The following DMD variants were observed in gnomAD, a reference collection of about 807,000 sequenced individuals.
DMD encodes mutant dystrophin.
In DMD, 63 loss-of-function variants were observed where a neutral mutation model predicts 330.1. The ratio of observed to expected loss-of-function variants is 0.19; its 90% CI spans 0.16 to 0.24. The LOEUF is 0.24. Among genes scored for constraint, DMD ranks in the 10% least tolerant of loss-of-function variants. The pLI, the probability that DMD is intolerant of heterozygous loss-of-function variation, is 1.00. For synonymous variants in DMD, 1,223 were observed against 959.8 expected (o/e 1.27, Z -5.07); for missense variants, 3,344 against 2,684.1 (o/e 1.25, Z -5.43).
intron 53 of DMD, among the ~76,000 whole-genome samples, chrX:31,668,429 T>C (rs1051203348): frequency 9.0e-6 from 1 of 110,760 alleles, no homozygotes; most frequent in Admixed American, 9.7e-5. Context: ...AAATATATTA[T>C]TATTATAAAG....
chrX:32,097,491 A>G lies in DMD; in HGVS notation c.6438+119425T>C, dbSNP rs773188578. On this transcript the variant is annotated intron_variant, in intron 44 of 78. Transcript: ENST00000357033. ...TGTATGTGCCACCTTTTCTTTATCC[A>G]GTCCATCACTGATGGGCATTTGGGT... Among the ~76,000 whole-genome samples the G allele has an allele frequency of 1.2e-3, 130 of 111,498 alleles. 2 individuals are homozygous for G. The highest frequency in any genetic ancestry group is 2.0e-3 in the Non-Finnish European group (104 of 53,144).
intron 42 of DMD, among the ~76,000 whole-genome samples, chrX:32,298,693 T>C (rs776144232): frequency 9.0e-6 from 1 of 110,721 alleles, no homozygotes; most frequent in South Asian, 3.9e-4. Context: ...CTTAGCCATT[T>C]CTATCACTTA....
At chrX:31,820,542 C>T (rs1376351681) in intron 49 of DMD, among the ~76,000 whole-genome samples, 1 of 112,040 alleles carries the variant, frequency 8.9e-6, no homozygotes, top group African/African-American at 3.2e-5. Context: ...TCAGAGCCCC[C>T]TTCAAAGAAA....
intron 16 of DMD, among the ~76,000 whole-genome samples, chrX:32,561,640 A>G (rs922457687): frequency 5.4e-5 from 6 of 111,637 alleles, no homozygotes. Context: ...AAACATTCAA[A>G]TTCAGGAAAT....
chrX:31,972,058 A>T (rs2095403523), intron 44 of DMD, among the ~76,000 whole-genome samples: 1 of 111,780 alleles, frequency 8.9e-6, no homozygotes, highest in African/African-American at 3.2e-5. Flanking sequence ...CCAGAATTCC[A>T]TTCTAAGTCT....
intron 1 of DMD, among the ~76,000 whole-genome samples, chrX:33,061,906 C>T (rs775676144): frequency 9.0e-6 from 1 of 110,968 alleles, no homozygotes; most frequent in African/African-American, 3.3e-5. Flanking sequence ...CTCTTTTTTT[C>T]CCTGACATTT....
At chrX:33,257,771 G>A (rs753655350) in intron 1 of DMD, among the ~76,000 whole-genome samples, 1 of 110,521 alleles carries the variant, frequency 9.0e-6, no homozygotes, top group African/African-American at 3.3e-5. Context: ...TTCAGATTTA[G>A]TTAGTGGTCA....
At chrX:31,335,583 A>ATTT (rs1179286163) in intron 61 of DMD, among the ~76,000 whole-genome samples, 1 of 111,833 alleles carries the variant, frequency 8.9e-6, no homozygotes, top group Non-Finnish European at 1.9e-5. Flanking sequence ...GATTCATGTA[A>ATTT]TTTTATGCTG....
chrX:31,377,551 T>A (rs773781056), intron 60 of DMD, among the ~76,000 whole-genome samples: 46 of 111,992 alleles, frequency 4.1e-4, no homozygotes, highest in Non-Finnish European at 5.8e-4. Context: ...CTATCGAGAG[T>A]CAGCCTAATG....
At chrX:33,291,405 G>A (rs1350170701) in intron 1 of DMD, among the ~76,000 whole-genome samples, 1 of 110,914 alleles carries the variant, frequency 9.0e-6, no homozygotes, top group Non-Finnish European at 1.9e-5. Context: ...GTTCTGGCCA[G>A]GGCAATCAGG....
chrX:31,956,252 G>A (rs1479256701), intron 45 of DMD, among the ~76,000 whole-genome samples: 1 of 111,515 alleles, frequency 9.0e-6, no homozygotes, highest in Non-Finnish European at 1.9e-5. Flanking sequence ...TACCAACCTC[G>A]GACTACCTAC....
At chrX:31,525,277 A>G (rs749277144) in intron 55 of DMD, among the ~76,000 whole-genome samples, 16 of 112,056 alleles carry the variant, frequency 1.4e-4, no homozygotes, top group Admixed American at 5.7e-4. Context: ...TTTAAATGCC[A>G]TATGTTCGAT....
intron 9 of DMD, among the ~76,000 whole-genome samples, chrX:32,653,164 T>A (rs1304302491): frequency 8.9e-6 from 1 of 112,130 alleles, no homozygotes; most frequent in African/African-American, 3.2e-5. Context: ...TTGGTTTAAT[T>A]AGATCCCATT....
chrX:31,749,596 A>G (rs1181586739), intron 51 of DMD, among the ~76,000 whole-genome samples: 1 of 110,733 alleles, frequency 9.0e-6, no homozygotes, highest in Non-Finnish European at 1.9e-5. Context: ...TAGTGCCTCA[A>G]TAAACATACA....
chrX:32,457,467 T>C (rs550312450), intron 25 of DMD, among the ~76,000 whole-genome samples: 2 of 110,811 alleles, frequency 1.8e-5, no homozygotes, highest in East Asian at 5.7e-4. Context: ...GGGAATGATG[T>C]AGCGTGGAGA....
rs1023328955 is a variant in DMD at position 32,216,945 on chromosome X, C to G, written c.6409G>C (p.Glu2137Gln). 1.4e-5 allele frequency: 17 copies of G among 1,207,513 alleles called. No individual in the cohort carries two copies. The African/African-American group carries it at 1.8e-4, about 12-fold the overall frequency. Residue 2137 changes from glutamate (E) to glutamine (Q), a missense_variant, in exon 44 of 79, where the codon GAA becomes CAA. Transcript: ENST00000357033. ...LRKTQIPENWEHAKYKWYLKE... is the reference protein window; with the variant it reads ...LRKTQIPENWQHAKYKWYLKE... Reference sequence around the variant, plus strand: ...AGATACCATTTGTATTTAGCATGTTCCCAATTCTCAGGAATTTGTGTCTTT... The same window carrying G: ...AGATACCATTTGTATTTAGCATGTTGCCAATTCTCAGGAATTTGTGTCTTT...
At chrX:31,561,240 AG>A (rs1030001274) in intron 55 of DMD, among the ~76,000 whole-genome samples, 14 of 112,127 alleles carry the variant, frequency 1.2e-4, no homozygotes, top group African/African-American at 4.2e-4. Context: ...TCCTATCTCC[AG>A]GAAGCCAAAT....
intron 9 of DMD, among the ~76,000 whole-genome samples, chrX:32,656,647 C>T (rs1048651622): frequency 2.7e-5 from 3 of 111,927 alleles, no homozygotes; most frequent in African/African-American, 6.5e-5. Flanking sequence ...AACATACTCT[C>T]AATGAAGGTT....
At chrX:31,130,723 A>G (rs2034370963) in intron 77 of DMD, among the ~76,000 whole-genome samples, 1 of 112,032 alleles carries the variant, frequency 8.9e-6, no homozygotes, top group African/African-American at 3.2e-5. Context: ...GAATGGCCAT[A>G]AATAAGGCAC....
Sources: allele counts gnomAD v4.1 joint callset (sites outside exome capture counted in the v4.1 genomes callset), GRCh38; gene constraint gnomAD v4.1.1; transcripts MANE v1.5; gene names NCBI Gene and HGNC (gene_info 2026-07-23, HGNC 2026-07-21).